Variants in OTOGL observed in about 807,000 individuals in gnomAD.
OTOGL encodes the protein otogelin like, also known as otogelin-like protein.
Under a neutral mutation model 318.5 loss-of-function variants are expected in OTOGL, and 285 were observed. The ratio of observed to expected loss-of-function variants is 0.89; its 90% confidence interval spans 0.81 to 0.99. The LOEUF (loss-of-function observed/expected upper bound fraction) is 0.99. OTOGL is among the 50% of genes least tolerant of loss of function. The pLI, the probability that OTOGL is intolerant of heterozygous loss-of-function variation, is 0.00. For missense variants in OTOGL, 2,899 were observed against 2,845.6 expected (o/e 1.02, Z -0.43); for synonymous variants, 987 against 936.5 (o/e 1.05, Z -0.99).
At chr12:80,160,363 G>T (rs1873425107) in intron 1 of OTOGL, among the ~76,000 whole-genome samples, 1 of 152,036 alleles carries the variant, frequency 6.6e-6, no homozygotes, top group South Asian at 2.1e-4. Flanking sequence ...CTAATATCCA[G>T]AATCTGCAAG....
chr12:80,158,974 A>T (rs967057914), intron 1 of OTOGL, among the ~76,000 whole-genome samples: 1 of 152,114 alleles, frequency 6.6e-6, no homozygotes, highest in Non-Finnish European at 1.5e-5. Context: ...TGGGTTTGTC[A>T]TAGATAGCTT....
At chr12:80,275,838 CT>C (rs879862702) in intron 24 of OTOGL, among the ~76,000 whole-genome samples, 318 of 145,398 alleles carry the variant, frequency 2.2e-3, no homozygotes, top group African/African-American at 5.5e-3. Context: ...TGATCATTAA[CT>C]TTTTTTTTTT....
chr12:80,247,862 T>C (rs1881060669), intron 11 of OTOGL, among the ~76,000 whole-genome samples: 1 of 45,094 alleles, frequency 2.2e-5, no homozygotes, highest in Non-Finnish European at 4.0e-5. Flanking sequence ...ATTGGGTGCA[T>C]ATATATTTAG....
In OTOGL at chr12:80,353,460, C is replaced by G. The variant is rs1421687551; in HGVS notation, c.5543C>G (p.Thr1848Ser). The change falls in exon 46 of 59, where the codon ACT (threonine) becomes AGT (serine). Residue 1848 changes from threonine (T) to serine (S), a missense_variant. Physicochemically the swap from Thr to Ser is moderately conservative, Grantham distance 58. Around this residue, in one of 3 missense-constraint regions of OTOGL, gnomAD observed 2,607 missense variants for 2,524.9 expected, o/e 1.03. Coordinates refer to ENST00000547103, the MANE Select transcript of OTOGL (RefSeq NM_001378609.3). ...GAAGACTGTGTGTGCAAAGTTGGAA[C>G]TATTCTTCACAGGCCACATTCAGCC... ...LREDCVCKVG[T>S]ILHRPHSAQC... is the part of the protein sequence containing the mutation. The G allele has an allele frequency of 6.2e-7, 1 of 1,603,414 alleles. No individual in the cohort carries two copies. The highest frequency in any genetic ancestry group is 8.5e-7 in the Non-Finnish European group (1 of 1,174,616).
At chr12:80,221,901 C>T (rs2137356713) in intron 6 of OTOGL, among the ~76,000 whole-genome samples, 190 bp from the exon 7 acceptor site, 1 of 152,234 alleles carries the variant, frequency 6.6e-6, no homozygotes, top group African/African-American at 2.4e-5. Flanking sequence ...CTTGGAGACC[C>T]TGTTTTTCTT....
At chr12:80,318,392 A>G (rs1246356948) in intron 32 of OTOGL, among the ~76,000 whole-genome samples, 154 bp from the exon 33 acceptor site, 3 of 152,174 alleles carry the variant, frequency 2.0e-5, no homozygotes, top group African/African-American at 7.2e-5. Context: ...TATATAAATC[A>G]TTATTTTTGA....
intron 19 of OTOGL, among the ~76,000 whole-genome samples, chr12:80,262,919 A>G (rs1882665255): frequency 6.6e-6 from 1 of 152,120 alleles, no homozygotes; most frequent in African/African-American, 2.4e-5. Flanking sequence ...TTAAAAATAC[A>G]TTACTCATAT....
chr12:80,229,562 T>C (rs1304852435), intron 8 of OTOGL, among the ~76,000 whole-genome samples, 184 bp downstream of exon 8: 2 of 151,974 alleles, frequency 1.3e-5, no homozygotes, highest in South Asian at 2.1e-4. Context: ...TGGTCAAGAG[T>C]ACAGTAAGTT....
intron 1 of OTOGL, among the ~76,000 whole-genome samples, chr12:80,177,431 G>A (rs1345462353): frequency 6.6e-6 from 1 of 152,114 alleles, no homozygotes. Flanking sequence ...ATATATGTAT[G>A]ATATATCTCT....
At chr12:80,100,360 T>G (rs572608715) in intron 1 of OTOGL, among the ~76,000 whole-genome samples, 1 of 152,310 alleles carries the variant, frequency 6.6e-6, no homozygotes, top group Admixed American at 6.5e-5. Context: ...TGATAAATGC[T>G]TGAAGTGATG....
intron 1 of OTOGL, among the ~76,000 whole-genome samples, chr12:80,127,401 C>T (rs183050723): frequency 5.9e-5 from 9 of 152,166 alleles, no homozygotes; most frequent in East Asian, 3.8e-4. Flanking sequence ...GAGTTTCTGC[C>T]GAGAGATCCG....
intron 26 of OTOGL, among the ~76,000 whole-genome samples, chr12:80,279,430 C>A (rs1020635346): frequency 4.6e-5 from 7 of 151,096 alleles, no homozygotes; most frequent in Non-Finnish European, 8.9e-5. Flanking sequence ...GTTTTTTGAC[C>A]CTTACCCTCC....
intron 1 of OTOGL, among the ~76,000 whole-genome samples, chr12:80,208,707 G>A (rs1383504315): frequency 6.6e-6 from 1 of 152,172 alleles, no homozygotes; most frequent in Non-Finnish European, 1.5e-5. Context: ...AAAACAGGGT[G>A]TGAAGGGAAA....
At chr12:80,207,449 C>T (rs934674559) in intron 1 of OTOGL, among the ~76,000 whole-genome samples, 1 of 152,036 alleles carries the variant, frequency 6.6e-6, no homozygotes, top group African/African-American at 2.4e-5. Flanking sequence ...AGGTGATCCC[C>T]CTGGCTCGGC....
intron 43 of OTOGL, among the ~76,000 whole-genome samples, chr12:80,340,635 C>A (rs990183203): frequency 4.6e-5 from 7 of 152,104 alleles, no homozygotes; most frequent in Non-Finnish European, 7.4e-5. Context: ...AGGGCTCATG[C>A]CCTAAATTCC....
At position 80,355,768 on chromosome 12, in the gene OTOGL, G is replaced by T; in HGVS notation, c.5626G>T (p.Ala1876Ser). 1 of 1,613,762 alleles carries T rather than the reference G, an allele frequency of 6.2e-7. No individual in the cohort carries two copies. Among genetic ancestry groups the T allele is most frequent in the Non-Finnish European group, 8.5e-7 (1 of 1,179,766 alleles). Residue 1876 changes from alanine (A) to serine (S), a missense_variant, in exon 47 of 59, where the codon GCT becomes TCT. Physicochemically the swap from Ala to Ser is moderately conservative, Grantham distance 99. Around this residue, in one of 3 missense-constraint regions of OTOGL, gnomAD observed 2,607 missense variants for 2,524.9 expected, o/e 1.03. Transcript: ENST00000547103. ...TGATAGTGAAGACCAACCCCGCACTGCTGGGGAGATTTGGAATGGGGGCAT... is the reference window on the plus strand; with the variant it reads ...TGATAGTGAAGACCAACCCCGCACTTCTGGGGAGATTTGGAATGGGGGCAT... ...CTDSEDQPRT[A>S]GEIWNGGIDE...
At chr12:80,134,051 G>A (rs1374784627) in intron 1 of OTOGL, among the ~76,000 whole-genome samples, 1 of 151,834 alleles carries the variant, frequency 6.6e-6, no homozygotes, top group Admixed American at 6.6e-5. Flanking sequence ...CATTATTCCA[G>A]CAATGACTGA....
At position 80,353,367 on chromosome 12, in the gene OTOGL, G is replaced by A. The variant is rs746454878; in HGVS notation, c.5450G>A (p.Arg1817Gln). The change falls in exon 46 of 59, where the codon CGA (arginine) becomes CAA (glutamine). Residue 1817 changes from arginine to glutamine, a missense_variant. Physicochemically the swap from Arg to Gln is conservative, Grantham distance 43 (BLOSUM62 1). Coordinates refer to ENST00000547103, the MANE Select transcript of OTOGL (RefSeq NM_001378609.3). ...GGGAAGGAATATCAACCCTGTGTGC[G>A]ACCTTGTGAAGCAAGAACATGCCTG... ...PEGKEYQPCVRPCEARTCLNQ... is the reference protein window; with the variant it reads ...PEGKEYQPCVQPCEARTCLNQ... 2.2e-5 allele frequency: 35 copies of A among 1,598,990 alleles called. No individual in the cohort carries two copies. Among genetic ancestry groups the A allele is most frequent in the Non-Finnish European group, 2.8e-5 (33 of 1,172,470 alleles).
At chr12:80,307,740 G>T (rs1238299874) in intron 29 of OTOGL, among the ~76,000 whole-genome samples, 1 of 143,716 alleles carries the variant, frequency 7.0e-6, no homozygotes, top group African/African-American at 2.6e-5. Context: ...CGAGCGGGGG[G>T]CAGACCCCGC....
Sources: allele counts gnomAD v4.1 joint callset (sites outside exome capture counted in the v4.1 genomes callset), GRCh38; gene constraint gnomAD v4.1.1; regional missense constraint gnomAD v4.1.1; transcripts MANE v1.5; gene names NCBI Gene and HGNC (gene_info 2026-07-23, HGNC 2026-07-21).